ERBB4: variants seen among roughly 807,000 people sequenced by gnomAD.
The protein encoded by ERBB4 is receptor tyrosine-protein kinase erbB-4.
In ERBB4, 42 loss-of-function variants were observed where a neutral mutation model predicts 158.0. That is an observed-to-expected ratio of 0.27 (90% CI 0.21 to 0.34). The LOEUF (loss-of-function observed/expected upper bound fraction) is 0.34. Ranked by LOEUF, ERBB4 falls within the 10% of genes least tolerant of loss-of-function variation. The pLI is 1.00. For synonymous variants in ERBB4, 583 were observed against 558.7 expected (o/e 1.04, Z -0.61); for missense variants, 1,333 against 1,624.1 (o/e 0.82, Z 3.08).
chr2:212,409,020 A>G (rs1189968278), intron 1 of ERBB4, among the ~76,000 whole-genome samples: 1 of 152,220 alleles, frequency 6.6e-6, no homozygotes, highest in Non-Finnish European at 1.5e-5. Flanking sequence ...TACAGATAAT[A>G]CAAATCATTT....
chr2:212,421,672 G>A (rs1004835267), intron 1 of ERBB4, among the ~76,000 whole-genome samples: 1 of 152,096 alleles, frequency 6.6e-6, no homozygotes, highest in Non-Finnish European at 1.5e-5. Flanking sequence ...GGAAGAAGAT[G>A]GAAGATTGTC....
At chr2:211,516,822 A>T (rs1298139054) in intron 20 of ERBB4, among the ~76,000 whole-genome samples, 1 of 152,134 alleles carries the variant, frequency 6.6e-6, no homozygotes, top group East Asian at 1.9e-4. Flanking sequence ...GAATAGGAGA[A>T]CCCTTGAGTA....
Position 211,722,012 on chromosome 2 carries a change from G to A in ERBB4, c.883+381C>T, listed in dbSNP as rs185215134. Among the ~76,000 whole-genome samples the A allele has an allele frequency of 2.9e-3, 436 of 152,096 alleles. 1 individual carries two copies. Among genetic ancestry groups the A allele is most frequent in the African/African-American group, 8.0e-3 (333 of 41,496 alleles). On this transcript the variant is annotated intron_variant, in intron 7 of 27. Transcript: ENST00000342788. ...AGAATAGCTGGGGCTACAGGCGCCC[G>A]CCACCACGCCTGGCTAATTTTTGTA...
chr2:212,408,066 TTTTATTTTTA>T (rs1226589333), intron 1 of ERBB4, among the ~76,000 whole-genome samples: 8 of 152,062 alleles, frequency 5.3e-5, no homozygotes, highest in Admixed American at 2.0e-4. Flanking sequence ...CTCAGTAACA[TTTTATTTTTA>T]TTTATTTTTA....
At chr2:211,656,711 T>A (rs1559386916) in intron 16 of ERBB4, among the ~76,000 whole-genome samples, 1 of 152,234 alleles carries the variant, frequency 6.6e-6, no homozygotes, top group Non-Finnish European at 1.5e-5. Context: ...GCCATGTGAA[T>A]GGAATCATGC....
In ERBB4 at chr2:212,093,494, G is replaced by C. The variant is rs560015828; in HGVS notation, c.234+31258C>G. Among the ~76,000 whole-genome samples, 6 of 152,232 alleles carry C rather than the reference G, an allele frequency of 3.9e-5. No homozygotes were observed. In the East Asian group the frequency reaches 1.2e-3, roughly 29 times the overall value. The stretch of plus-strand genomic sequence containing the variant: ...TGACATCTATAACTCAATGGTGTGA[G>C]AGAAGTACAACTAAAAAAGAATTAC... On this transcript the variant is annotated intron_variant, in intron 2 of 27. Coordinates refer to ENST00000342788, the MANE Select transcript of ERBB4 (RefSeq NM_005235.3).
chr2:211,940,913 G>A (rs1279475507), intron 3 of ERBB4, among the ~76,000 whole-genome samples: 1 of 152,082 alleles, frequency 6.6e-6, no homozygotes, highest in Non-Finnish European at 1.5e-5. Context: ...CTGAGAATAA[G>A]TCCCAGCAAA....
At chr2:212,159,696 C>G (rs1421924461) in intron 1 of ERBB4, among the ~76,000 whole-genome samples, 1 of 151,832 alleles carries the variant, frequency 6.6e-6, no homozygotes, top group Admixed American at 6.6e-5. Context: ...GACCACACTG[C>G]TTGAAGAAAG....
At chr2:211,861,326 T>C (rs532371903) in intron 3 of ERBB4, among the ~76,000 whole-genome samples, 1,343 of 92,400 alleles carry the variant, frequency 0.015, 35 homozygotes, top group African/African-American at 0.049. Context: ...AGTCCAGGCG[T>C]GTTTTTTTTT....
intron 1 of ERBB4, among the ~76,000 whole-genome samples, chr2:212,226,573 A>G (rs1473699843): frequency 6.6e-6 from 1 of 152,188 alleles, no homozygotes; most frequent in Non-Finnish European, 1.5e-5. Flanking sequence ...TTTCTATCCA[A>G]TGGAGAACAA....
At chr2:212,117,167 T>C (rs1004405790) in intron 2 of ERBB4, among the ~76,000 whole-genome samples, 6 of 152,228 alleles carry the variant, frequency 3.9e-5, no homozygotes, top group Non-Finnish European at 7.4e-5. Context: ...TGTTACAATA[T>C]TATTCTCTCT....
At chr2:211,971,986 G>A (rs1023615009) in intron 2 of ERBB4, among the ~76,000 whole-genome samples, 2 of 152,072 alleles carry the variant, frequency 1.3e-5, no homozygotes, top group African/African-American at 4.8e-5. Flanking sequence ...CCCTGTTTGT[G>A]GATAACATGA....
chr2:211,675,694 T>C (rs1042629748), intron 13 of ERBB4, among the ~76,000 whole-genome samples: 3 of 149,894 alleles, frequency 2.0e-5, no homozygotes, highest in Non-Finnish European at 4.4e-5. Context: ...ATTTTCATTT[T>C]TCCCTTCAAA....
At chr2:211,901,730 CA>C (rs2079240194) in intron 3 of ERBB4, among the ~76,000 whole-genome samples, 1 of 152,084 alleles carries the variant, frequency 6.6e-6, no homozygotes, top group African/African-American at 2.4e-5. Context: ...GGAAAATTGA[CA>C]GCCTAATAGC....
chr2:211,807,905 T>C (rs1467459586), intron 3 of ERBB4, among the ~76,000 whole-genome samples: 1 of 152,264 alleles, frequency 6.6e-6, no homozygotes, highest in Non-Finnish European at 1.5e-5. Flanking sequence ...CACGTGTCTG[T>C]TGGCTGCATA....
intron 20 of ERBB4, among the ~76,000 whole-genome samples, chr2:211,542,082 T>G (rs2066824978): frequency 3.3e-5 from 5 of 152,010 alleles, no homozygotes; most frequent in Admixed American, 3.3e-4. Flanking sequence ...TCACTTTCAT[T>G]TCACCTAAGA....
chr2:211,876,421 C>T (rs1000577673), intron 3 of ERBB4, among the ~76,000 whole-genome samples: 3 of 152,108 alleles, frequency 2.0e-5, no homozygotes, highest in Non-Finnish European at 4.4e-5. Context: ...TGTATTCATA[C>T]TGGAGCCTTG....
intron 1 of ERBB4, among the ~76,000 whole-genome samples, chr2:212,423,210 A>T (rs924167588): frequency 1.3e-5 from 2 of 152,176 alleles, no homozygotes; most frequent in Non-Finnish European, 2.9e-5. Flanking sequence ...ATTCAGAATG[A>T]TCAGCATACA....
At chr2:211,954,964 G>A (rs192925429) in intron 2 of ERBB4, among the ~76,000 whole-genome samples, 397 of 151,982 alleles carry the variant, frequency 2.6e-3, no homozygotes, top group Non-Finnish European at 3.5e-3. Flanking sequence ...GGAATTCTGC[G>A]TTCATTTTTC....
Sources: gnomAD v4.1 joint callset for allele counts (sites outside exome capture counted in the v4.1 genomes callset) on GRCh38, gnomAD v4.1.1 for gene constraint, MANE v1.5 for transcripts, NCBI Gene and HGNC (gene_info 2026-07-23, HGNC 2026-07-21) for gene names.